Variants in TET1 observed in about 807,000 individuals in gnomAD.
TET1 encodes tet methylcytosine dioxygenase 1.
Under a neutral mutation model 148.7 loss-of-function variants are expected in TET1, and 13 were observed. The ratio of observed to expected loss-of-function variants is 0.09; its 90% CI spans 0.06 to 0.14. TET1 has a LOEUF of 0.14. TET1 is among the 10% of genes least tolerant of loss of function. The probability of loss-of-function intolerance (pLI) is 1.00; values close to 1 mark genes in which losing one functional copy is unlikely to be tolerated. For missense variants in TET1, 2,182 were observed against 2,553.8 expected, an observed-to-expected ratio of 0.85 and a Z score of 3.14; for synonymous variants, 907 against 937.2, an observed-to-expected ratio of 0.97 and a Z score of 0.59.
intron 3 of TET1, among the ~76,000 whole-genome samples, chr10:68,641,537 C>T (rs1459081082): frequency 6.8e-6 from 1 of 146,584 alleles, no homozygotes; most frequent in Non-Finnish European, 1.5e-5. Context: ...TTAAGACAGA[C>T]TCTCAGGCTG....
chr10:68,577,933 G>C (rs2053751529), intron 2 of TET1, among the ~76,000 whole-genome samples: 1 of 151,864 alleles, frequency 6.6e-6, no homozygotes, highest in Admixed American at 6.6e-5. Flanking sequence ...TAGCTATGAT[G>C]GCACCATTGC....
At position 68,595,951 on chromosome 10, in the gene TET1, TATATATATATAC is replaced by T. The variant is rs1436012217; in HGVS notation, c.1915-5028_1915-5017del. On this transcript the variant is annotated intron_variant, in intron 2 of 11. Coordinates refer to ENST00000373644, the MANE Select transcript of TET1 (RefSeq NM_030625.3). ...ATATATATATATATATATATATATA[TATATATATATAC>T]ACACACACACACACATATATACACA... Among the ~76,000 whole-genome samples, 99 of 31,938 alleles carry T rather than the reference TATATATATATAC, an allele frequency of 3.1e-3. 3 individuals carry two copies. The highest frequency in any genetic ancestry group is 8.0e-3 in the South Asian group (5 of 626). The allele number at this position is 31,938 out of a possible 152,430, so 21.0% of individuals were successfully genotyped here. A position where few individuals can be genotyped will look rare whatever the true frequency, so the allele number is the denominator to read the frequency against.
At chr10:68,637,868 C>CA (rs1288080594) in intron 3 of TET1, among the ~76,000 whole-genome samples, 5,612 of 125,882 alleles carry the variant, frequency 0.045, 334 homozygotes, top group African/African-American at 0.14. Context: ...GACTCCGTCT[C>CA]AAAAAAAAAA....
At chr10:68,625,894 C>G (rs1384605763) in intron 3 of TET1, among the ~76,000 whole-genome samples, 2 of 151,716 alleles carry the variant, frequency 1.3e-5, no homozygotes, top group African/African-American at 4.8e-5. Context: ...TGAGACCAGC[C>G]TGGGAAACAT....
chr10:68,674,755 C>T (rs190912481), intron 8 of TET1: 113 of 494,442 alleles, frequency 2.3e-4, no homozygotes, highest in African/African-American at 2.1e-3. Context: ...AAAAATGCAA[C>T]AATCAGATAC....
chr10:68,684,754 CTATTTTTTT>C (rs1419341487), intron 10 of TET1, among the ~76,000 whole-genome samples: 10 of 152,058 alleles, frequency 6.6e-5, no homozygotes, highest in Non-Finnish European at 1.3e-4. Flanking sequence ...ACCATAATTT[CTATTTTTTT>C]TATTTTTTTT....
chr10:68,680,209 T>C (rs1354710675), intron 8 of TET1, among the ~76,000 whole-genome samples: 2 of 152,266 alleles, frequency 1.3e-5, no homozygotes, highest in Admixed American at 6.5e-5. Flanking sequence ...TTATAATAAT[T>C]TGATGCATAC....
At chr10:68,676,157 TTGTGTGTGTGTGTG>T (rs112413582) in intron 8 of TET1, among the ~76,000 whole-genome samples, 1 of 129,222 alleles carries the variant, frequency 7.7e-6, no homozygotes, top group East Asian at 2.2e-4. Context: ...ACCTGGCCTT[TTGTGTGTGTGTGTG>T]TGTGTGTGTG....
chr10:68,644,592 C>T (rs868516422), intron 3 of TET1, 106 bp from the exon 4 acceptor site: 3 of 1,085,082 alleles, frequency 2.8e-6, no homozygotes, highest in Middle Eastern at 5.5e-4. Flanking sequence ...ATATTTTAGG[C>T]TGTATCCACA....
chr10:68,653,191 T>C (rs56047758), intron 6 of TET1, among the ~76,000 whole-genome samples: 29,065 of 151,924 alleles, frequency 0.19, 3,483 homozygotes, highest in African/African-American at 0.34. Context: ...ATGAAGTATT[T>C]TATATTTATC....
At chr10:68,626,401 A>G (rs982231867) in intron 3 of TET1, among the ~76,000 whole-genome samples, 4 of 152,038 alleles carry the variant, frequency 2.6e-5, no homozygotes, top group African/African-American at 7.2e-5. Context: ...GAGCCTCTCT[A>G]TGTTTCCCAG....
chr10:68,627,915 G>A (rs1297165686), intron 3 of TET1, among the ~76,000 whole-genome samples: 2 of 152,006 alleles, frequency 1.3e-5, no homozygotes, highest in Non-Finnish European at 2.9e-5. Flanking sequence ...CAGCCGGGGC[G>A]GCTGAGCGAG....
chr10:68,666,491 T>C (rs1052673966), intron 6 of TET1, among the ~76,000 whole-genome samples: 5 of 152,226 alleles, frequency 3.3e-5, no homozygotes, highest in African/African-American at 1.2e-4. Flanking sequence ...CTAACTACAT[T>C]AGATGGTTTT....
chr10:68,645,690 C>G lies in TET1; in HGVS notation c.2961C>G (p.Asn987Lys). ...LSNSHINSAT[N>K]QASTKSHEYS... The stretch of plus-strand genomic sequence containing the variant: ...ACTCACATATCAACTCAGCTACTAA[C>G]CAAGCATCCACAAAGTCACATGAAT... The change falls in exon 4 of 12, where the codon AAC (asparagine) becomes AAG (lysine). Residue 987 changes from asparagine to lysine, a missense_variant. Asn to Lys is a moderately conservative substitution (Grantham distance 94). Coordinates refer to ENST00000373644, the MANE Select transcript of TET1 (RefSeq NM_030625.3). 1 of 1,614,166 alleles carries G rather than the reference C, an allele frequency of 6.2e-7. No individual in the cohort carries two copies. Among genetic ancestry groups the G allele is most frequent in the Non-Finnish European group, 8.5e-7 (1 of 1,180,022 alleles).
chr10:68,648,006 A>G (rs2054878135), intron 4 of TET1, among the ~76,000 whole-genome samples: 5 of 152,222 alleles, frequency 3.3e-5, no homozygotes, highest in Admixed American at 3.3e-4. Flanking sequence ...GCCTTTCTGA[A>G]TTTTAACATA....
intron 3 of TET1, among the ~76,000 whole-genome samples, chr10:68,625,754 G>A (rs1159178332): frequency 6.6e-6 from 1 of 152,080 alleles, no homozygotes; most frequent in Non-Finnish European, 1.5e-5. Context: ...AAGTAATGCA[G>A]TCCCAGATTT....
chr10:68,659,029 A>G (rs2055066291), intron 6 of TET1, among the ~76,000 whole-genome samples: 1 of 152,130 alleles, frequency 6.6e-6, no homozygotes, highest in Non-Finnish European at 1.5e-5. Flanking sequence ...GGAGTTCAAG[A>G]CCAGGCTGGC....
At chr10:68,686,242 T>C (rs2055506402) in intron 10 of TET1, 114 bp from the exon 11 acceptor site, 1 of 875,476 alleles carries the variant, frequency 1.1e-6, no homozygotes, top group Non-Finnish European at 1.7e-6. Context: ...CAATTGAAAA[T>C]AAAATGGGAA....
intron 3 of TET1, among the ~76,000 whole-genome samples, chr10:68,628,013 G>C (rs149971528): frequency 6.6e-5 from 10 of 152,110 alleles, no homozygotes; most frequent in South Asian, 2.1e-4. Flanking sequence ...ATTATTTTTG[G>C]GGGGGACAGA....
Sources: gnomAD v4.1 joint callset for allele counts (sites outside exome capture counted in the v4.1 genomes callset) on GRCh38, gnomAD v4.1.1 for gene constraint, MANE v1.5 for transcripts, NCBI Gene and HGNC (gene_info 2026-07-23, HGNC 2026-07-21) for gene names.